FGGY: variants seen among roughly 807,000 people sequenced by gnomAD.
The protein encoded by FGGY is FGGY carbohydrate kinase domain containing.
A neutral mutation model predicts 71.3 loss-of-function variants in FGGY; 72 were observed. The ratio of observed to expected loss-of-function variants is 1.01; its 90% CI spans 0.84 to 1.23. The LOEUF (loss-of-function observed/expected upper bound fraction) is 1.23, where lower values mean the gene tolerates loss of function less well. FGGY is among the 50% of genes most tolerant of loss of function. The pLI is 0.00. For synonymous variants in FGGY, 251 were observed against 250.3 expected (o/e 1.00, Z -0.02); for missense variants, 668 against 682.3 (o/e 0.98, Z 0.23).
At chr1:59,585,643 T>C (rs1306271039) in intron 8 of FGGY, among the ~76,000 whole-genome samples, 1 of 152,096 alleles carries the variant, frequency 6.6e-6, no homozygotes, top group East Asian at 1.9e-4. Flanking sequence ...CCAAAAGCAA[T>C]GGCAACAAAA....
At position 59,614,952 on chromosome 1, in the gene FGGY, T is replaced by G. The variant is rs369671605; in HGVS notation, c.1011+7042T>G. ...GAATCCAACTTACAAGGGATGTGAATGACCTCTTCAAGGAGAACTACAAAC... is the reference window on the plus strand; with the variant it reads ...GAATCCAACTTACAAGGGATGTGAAGGACCTCTTCAAGGAGAACTACAAAC... On this transcript the variant is annotated intron_variant, in intron 9 of 15. Coordinates refer to ENST00000303721, the MANE Select transcript of FGGY (RefSeq NM_018291.5). Among the ~76,000 whole-genome samples, 170 of 152,182 alleles carry G rather than the reference T, an allele frequency of 1.1e-3. 2 individuals carry two copies. Among genetic ancestry groups the G allele is most frequent in the South Asian group, 5.6e-3 (27 of 4,820 alleles).
chr1:59,526,927 G>C (rs981557757), intron 7 of FGGY, among the ~76,000 whole-genome samples: 3 of 152,176 alleles, frequency 2.0e-5, no homozygotes, highest in Non-Finnish European at 4.4e-5. Flanking sequence ...GGTTATTTTA[G>C]AGATGCCTTC....
At chr1:59,702,360 C>T (rs144274274) in intron 14 of FGGY, among the ~76,000 whole-genome samples, 13 of 152,202 alleles carry the variant, frequency 8.5e-5, no homozygotes, top group Non-Finnish European at 1.9e-4. Flanking sequence ...CATATGGAGA[C>T]CTATATCTTT....
At chr1:59,605,039 C>T (rs1231525572) in intron 8 of FGGY, among the ~76,000 whole-genome samples, 3 of 152,150 alleles carry the variant, frequency 2.0e-5, no homozygotes, top group African/African-American at 7.2e-5. Context: ...ATAGCTCACT[C>T]GTGCATTCTT....
At chr1:59,534,382 A>G (rs952499564) in intron 7 of FGGY, among the ~76,000 whole-genome samples, 3 of 152,214 alleles carry the variant, frequency 2.0e-5, no homozygotes, top group African/African-American at 7.2e-5. Context: ...GACGGGGAGA[A>G]TGGAACCAAG....
intron 7 of FGGY, among the ~76,000 whole-genome samples, chr1:59,528,397 T>C (rs1380727591): frequency 6.6e-6 from 1 of 152,174 alleles, no homozygotes; most frequent in Non-Finnish European, 1.5e-5. Context: ...AGGCAGCTAG[T>C]GTGGTTGAAC....
intron 4 of FGGY, among the ~76,000 whole-genome samples, chr1:59,360,633 G>C (rs2055312948): frequency 6.6e-6 from 1 of 152,174 alleles, no homozygotes; most frequent in Non-Finnish European, 1.5e-5. Flanking sequence ...ATAAATTGCA[G>C]AATGCTGGTG....
At chr1:59,579,068 C>T (rs975926182) in intron 8 of FGGY, among the ~76,000 whole-genome samples, 1 of 152,122 alleles carries the variant, frequency 6.6e-6, no homozygotes, top group Admixed American at 6.5e-5. Flanking sequence ...TGAAAATAAC[C>T]CTTGACCATT....
intron 6 of FGGY, among the ~76,000 whole-genome samples, chr1:59,499,233 C>T (rs1425066495): frequency 6.6e-6 from 1 of 151,882 alleles, no homozygotes; most frequent in East Asian, 1.9e-4. Flanking sequence ...ATGGAAAATA[C>T]CTTCCAAGAC....
intron 8 of FGGY, among the ~76,000 whole-genome samples, chr1:59,555,071 T>C (rs1558333019): frequency 6.6e-6 from 1 of 152,156 alleles, no homozygotes; most frequent in Non-Finnish European, 1.5e-5. Context: ...CTGAGCCTTT[T>C]TACCATCAGA....
At chr1:59,453,998 T>C (rs569922044) in intron 5 of FGGY, among the ~76,000 whole-genome samples, 3 of 152,268 alleles carry the variant, frequency 2.0e-5, no homozygotes, top group African/African-American at 7.2e-5. Context: ...GTGCAATATT[T>C]TAAACTTACA....
At chr1:59,416,653 G>C (rs1413954477) in intron 5 of FGGY, among the ~76,000 whole-genome samples, 1 of 152,202 alleles carries the variant, frequency 6.6e-6, no homozygotes, top group Middle Eastern at 3.2e-3. Flanking sequence ...CATGCTAGCT[G>C]CCTCATGGTT....
intron 8 of FGGY, among the ~76,000 whole-genome samples, chr1:59,605,553 A>T (rs1416980948): frequency 3.3e-5 from 5 of 152,236 alleles, no homozygotes; most frequent in African/African-American, 1.2e-4. Flanking sequence ...TACTTTTCTT[A>T]TGAAAGCCTA....
intron 6 of FGGY, among the ~76,000 whole-genome samples, chr1:59,500,003 G>A (rs1412976822): frequency 1.3e-5 from 2 of 152,076 alleles, no homozygotes; most frequent in African/African-American, 2.4e-5. Flanking sequence ...TCATTTGATT[G>A]TCTCTGTACT....
chr1:59,468,526 T>G (rs1167290389), intron 6 of FGGY, among the ~76,000 whole-genome samples: 1 of 152,148 alleles, frequency 6.6e-6, no homozygotes, highest in Non-Finnish European at 1.5e-5. Context: ...AAACTGAACA[T>G]TAAATGAAGC....
chr1:59,412,064 C>A (rs2063685344), intron 5 of FGGY, among the ~76,000 whole-genome samples: 1 of 152,148 alleles, frequency 6.6e-6, no homozygotes, highest in Non-Finnish European at 1.5e-5. Flanking sequence ...TCTCTTGGCC[C>A]CATATCAGAT....
intron 9 of FGGY, among the ~76,000 whole-genome samples, chr1:59,617,361 C>T (rs1250231242): frequency 1.3e-5 from 2 of 152,032 alleles, no homozygotes; most frequent in Non-Finnish European, 2.9e-5. Context: ...GCAGATCTTC[C>T]ATTACAAAGC....
chr1:59,704,952 T>G (rs2097744187), intron 14 of FGGY, among the ~76,000 whole-genome samples: 1 of 152,210 alleles, frequency 6.6e-6, no homozygotes, highest in South Asian at 2.1e-4. Flanking sequence ...TGTTTAATAT[T>G]TTTTGCCAAT....
chr1:59,690,133 A>C (rs1316711358), intron 14 of FGGY, among the ~76,000 whole-genome samples: 1 of 152,202 alleles, frequency 6.6e-6, no homozygotes, highest in Non-Finnish European at 1.5e-5. Context: ...AAATTGAAGC[A>C]AGTGTTTCAA....
Sources: allele counts gnomAD v4.1 joint callset (sites outside exome capture counted in the v4.1 genomes callset), GRCh38; gene constraint gnomAD v4.1.1; transcripts MANE v1.5; gene names NCBI Gene and HGNC (gene_info 2026-07-23, HGNC 2026-07-21).